The following MPP3 variants were observed in gnomAD, a reference collection of about 807,000 sequenced individuals.
MPP3 encodes the protein MAGUK p55 subfamily member 3.
Under a neutral mutation model 80.7 loss-of-function variants are expected in MPP3, and 48 were observed. That is an observed-to-expected ratio of 0.59 (90% confidence interval 0.47 to 0.76). The LOEUF is 0.76. Among genes scored for constraint, MPP3 ranks in the 30% least tolerant of loss-of-function variants. The probability of loss-of-function intolerance (pLI) is 0.00; values close to 1 mark genes in which losing one functional copy is unlikely to be tolerated. For synonymous variants in MPP3, 311 were observed against 297.6 expected (o/e 1.04, Z -0.46); for missense variants, 620 against 763.0 (o/e 0.81, Z 2.21).
At position 43,820,950 on chromosome 17, in the gene MPP3, G is replaced by A. The variant is rs1308973632; in HGVS notation, c.793C>T (p.Gln265Ter). The A allele has an allele frequency of 6.2e-7, 1 of 1,613,872 alleles. No homozygotes were observed. Among genetic ancestry groups the A allele is most frequent in the Non-Finnish European group, 8.5e-7 (1 of 1,179,998 alleles). ...QRRQVLEVVS[Q>*]DDPTWWQAKR... ...GCCTGCCACCACGTGGGGTCGTCCT[G>A]GCTCACCACCTCCAGGACCTGCCTG... Residue 265 changes from glutamine to a stop codon, truncating the protein, a stop_gained, in exon 11 of 20, where the codon CAG becomes TAG. Transcript: ENST00000398389. LOFTEE classifies it high-confidence loss of function.
At chr17:43,818,170 G>A (rs2045247830) in intron 11 of MPP3, 60 bp from the exon 12 acceptor site, 3 of 1,388,598 alleles carry the variant, frequency 2.2e-6, no homozygotes, top group Non-Finnish European at 2.8e-6. Context: ...CACTTGAAAG[G>A]AACCTTCTGG....
At position 43,831,298 on chromosome 17, in the gene MPP3, A is replaced by C; in HGVS notation, c.168T>G (p.Tyr56Ter). Residue 56 changes from tyrosine (Y) to a stop codon, truncating the protein, a stop_gained, in exon 5 of 20, where the codon TAT becomes TAG. Coordinates refer to ENST00000398389, the MANE Select transcript of MPP3 (RefSeq NM_001932.6). LOFTEE classifies it high-confidence loss of function. ...LMKIHEKLRY[Y>*]ERQSPTPVLH... ...GAACTGGGGTTGGACTTTGCCTTTC[A>C]TAATAGCGAAGCTTCTCATGAATCT... The C allele has an allele frequency of 1.2e-6, 2 of 1,614,040 alleles. No individual in the cohort carries two copies. Among genetic ancestry groups the C allele is most frequent in the East Asian group, 2.2e-5 (1 of 44,888 alleles).
chr17:43,810,745 T>C, intron 18 of MPP3, 62 bp downstream of exon 18: 2 of 1,143,676 alleles, frequency 1.7e-6, no homozygotes, highest in Non-Finnish European at 2.5e-6. Flanking sequence ...TTGTGTAAAA[T>C]GTACAATCCC....
chr17:43,812,493 T>C (rs1033812465), intron 16 of MPP3, among the ~76,000 whole-genome samples: 1 of 152,256 alleles, frequency 6.6e-6, no homozygotes, highest in East Asian at 1.9e-4. Context: ...CAGCACACCA[T>C]CCACACTAAT....
intron 11 of MPP3, among the ~76,000 whole-genome samples, chr17:43,820,639 CAT>C (rs2045404950): frequency 1.4e-5 from 2 of 145,312 alleles, no homozygotes; most frequent in East Asian, 2.0e-4. Context: ...CACACACACA[CAT>C]TAACTTAATA....
chr17:43,829,562 GA>G, intron 7 of MPP3, 91 bp downstream of exon 7: 1 of 1,486,750 alleles, frequency 6.7e-7, no homozygotes, highest in Admixed American at 1.9e-5. Context: ...CACTCACTCT[GA>G]AGACTTCGGG....
chr17:43,802,285 A>C (rs916619999), intron 19 of MPP3, among the ~76,000 whole-genome samples: 9 of 152,240 alleles, frequency 5.9e-5, no homozygotes, highest in African/African-American at 2.2e-4. Context: ...TAATTATAAG[A>C]AAGAACTATA....
chr17:43,815,897 TGAG>T, intron 14 of MPP3, 138 bp downstream of exon 14: 2 of 798,032 alleles, frequency 2.5e-6, no homozygotes. Context: ...TTGAGAGAAC[TGAG>T]GAGAGATGGG....
At position 43,825,870 on chromosome 17, in the gene MPP3, A is replaced by G. The variant is rs746782069; in HGVS notation, c.524-29T>C. The G allele has an allele frequency of 1.1e-5, 15 of 1,421,536 alleles. No individual in the cohort carries two copies. In the East Asian group the frequency reaches 3.4e-4, roughly 32 times the overall value. The allele number at this position is 1,421,536 out of a possible 1,614,324, so 88.1% of individuals were successfully genotyped here. ...GGAGACACAGGGACTGACCATCAGCACAGGAGGAGGACCTGAGCACCCCTC... is the reference window on the plus strand; with the variant it reads ...GGAGACACAGGGACTGACCATCAGCGCAGGAGGAGGACCTGAGCACCCCTC... On this transcript the variant is annotated intron_variant, in intron 8 of 19. Coordinates refer to ENST00000398389, the MANE Select transcript of MPP3 (RefSeq NM_001932.6).
intron 1 of MPP3, 109 bp downstream of exon 1, chr17:43,832,992 G>T (rs2046048668): frequency 6.6e-6 from 1 of 151,438 alleles, no homozygotes; most frequent in African/African-American, 2.4e-5. Flanking sequence ...GGTGGGCTCG[G>T]TGGGCCGCGA....
chr17:43,814,161 C>A, intron 15 of MPP3, 36 bp downstream of exon 15: 1 of 1,608,656 alleles, frequency 6.2e-7, no homozygotes, highest in South Asian at 1.1e-5. Context: ...AGGGAGGAAA[C>A]CAGATCACTT....
intron 12 of MPP3, among the ~76,000 whole-genome samples, chr17:43,817,522 T>C (rs548592813): frequency 2.6e-5 from 4 of 152,212 alleles, no homozygotes; most frequent in South Asian, 2.1e-4. Context: ...GACATACTTA[T>C]ACTATAATAA....
At chr17:43,817,928 G>T in intron 12 of MPP3, 118 bp downstream of exon 12, 1 of 729,616 alleles carries the variant, frequency 1.4e-6, no homozygotes, top group South Asian at 2.0e-5. Context: ...GAGTCCATGA[G>T]CTCAGACAAG....
In MPP3 at chr17:43,814,146, G is replaced by C. The variant is rs747373828; in HGVS notation, c.1174+51C>G. 5.0e-6 allele frequency: 8 copies of C among 1,605,330 alleles called. No individual in the cohort carries two copies. In the South Asian group the frequency reaches 8.9e-5, roughly 18 times the overall value. ...TCCCTGCTGAGCTCCCTCCCCACCTGCTCCAGGGAGGAAACCAGATCACTT... is the reference window on the plus strand; with the variant it reads ...TCCCTGCTGAGCTCCCTCCCCACCTCCTCCAGGGAGGAAACCAGATCACTT... On this transcript the variant is annotated intron_variant, in intron 15 of 19. Transcript: ENST00000398389.
At position 43,825,792 on chromosome 17, in the gene MPP3, G is replaced by C; in HGVS notation, c.573C>G (p.Val191=). The change falls in exon 9 of 20, where the codon GTC becomes GTG. Residue 191 remains valine, a synonymous_variant. Transcript: ENST00000398389. The part of the protein sequence containing the change: ...DELREVNGIA[V]LHKRPDEISQ... ...TGATCTCGTCGGGCCGCTTGTGCAGGACTGCGATCCCGTTCACTTCTCGGA... is the reference window on the plus strand; with the variant it reads ...TGATCTCGTCGGGCCGCTTGTGCAGCACTGCGATCCCGTTCACTTCTCGGA... 1 of 1,613,516 alleles carries C rather than the reference G, an allele frequency of 6.2e-7. No homozygotes were observed. Among genetic ancestry groups the C allele is most frequent in the South Asian group, 1.1e-5 (1 of 91,062 alleles).
At position 43,801,633 on chromosome 17, in the gene MPP3, G is replaced by A; in HGVS notation, c.*68C>T. ...TCTCTGCGCTTGAGATTCCTTGATG[G>A]TAAAATGAGGGAGTCTGGACTAGAT... On this transcript the variant is annotated 3_prime_UTR_variant, in exon 20 of 20. Transcript: ENST00000398389. 6.8e-7 allele frequency: 1 copy of A among 1,463,558 alleles called. No individual in the cohort carries two copies. The highest frequency in any genetic ancestry group is 9.5e-7 in the Non-Finnish European group (1 of 1,054,812). 90.7% of individuals were successfully genotyped at this position (1,463,558 alleles called of 1,614,324 possible). A position where few individuals can be genotyped will look rare whatever the true frequency, so the allele number is the denominator to read the frequency against.
chr17:43,813,039 A>C (rs1335183270), intron 16 of MPP3, among the ~76,000 whole-genome samples: 1 of 152,162 alleles, frequency 6.6e-6, no homozygotes, highest in Non-Finnish European at 1.5e-5. Context: ...GAACACTCTG[A>C]GGAGGCCCCA....
chr17:43,804,351 G>A (rs2044529503), intron 19 of MPP3, among the ~76,000 whole-genome samples: 2 of 152,168 alleles, frequency 1.3e-5, no homozygotes, highest in South Asian at 2.1e-4. Flanking sequence ...TAGACATGTA[G>A]ACCAATGGAA....
chr17:43,822,678 T>TAAAAAAA lies in MPP3; in HGVS notation c.684+1246_684+1252dup, dbSNP rs56125167. Among the ~76,000 whole-genome samples, 6 of 59,050 alleles carry TAAAAAAA rather than the reference T, an allele frequency of 1.0e-4. 2 individuals carry two copies. Among genetic ancestry groups the TAAAAAAA allele is most frequent in the African/African-American group, 1.8e-4 (2 of 11,302 alleles). 38.7% of individuals were successfully genotyped at this position (59,050 alleles called of 152,430 possible). ...AAATATAACTGCACCACTCCCATCC[T>TAAAAAAA]AAAAAAAAAAAAAAAAGAGCTTATT... On this transcript the variant is annotated intron_variant, in intron 10 of 19. Transcript: ENST00000398389.
Sources: gnomAD v4.1 joint callset for allele counts (sites outside exome capture counted in the v4.1 genomes callset) on GRCh38, gnomAD v4.1.1 for gene constraint, MANE v1.5 for transcripts, NCBI Gene and HGNC (gene_info 2026-07-23, HGNC 2026-07-21) for gene names.